The following MYT1L variants were observed in gnomAD, a reference collection of about 807,000 sequenced individuals.
The protein encoded by MYT1L is myelin transcription factor 1-like protein.
A neutral mutation model predicts 126.7 loss-of-function variants in MYT1L; 12 were observed. That is an observed-to-expected ratio of 0.09 (90% CI 0.06 to 0.15). The LOEUF (loss-of-function observed/expected upper bound fraction) is 0.15. Among genes scored for constraint, MYT1L ranks in the 10% least tolerant of loss-of-function variants. The pLI, the probability that MYT1L is intolerant of heterozygous loss-of-function variation, is 1.00. For synonymous variants in MYT1L, 541 were observed against 604.2 expected, an observed-to-expected ratio of 0.90 and a Z score of 1.53; for missense variants, 979 against 1,585.2, an observed-to-expected ratio of 0.62 and a Z score of 6.49.
intron 8 of MYT1L, among the ~76,000 whole-genome samples, chr2:1,949,498 T>A (rs2057547356): frequency 6.6e-6 from 1 of 152,234 alleles, no homozygotes; most frequent in Non-Finnish European, 1.5e-5. Context: ...CTTCCAGTTT[T>A]TTGCATCTGG....
chr2:1,913,261 G>C (rs1298240495), intron 11 of MYT1L, among the ~76,000 whole-genome samples: 1 of 152,164 alleles, frequency 6.6e-6, no homozygotes, highest in African/African-American at 2.4e-5. Flanking sequence ...AGCAGAGTTT[G>C]CTTTGGTATT....
At chr2:2,294,466 C>T (rs576132441) in intron 1 of MYT1L, among the ~76,000 whole-genome samples, 17 of 152,126 alleles carry the variant, frequency 1.1e-4, no homozygotes, top group Non-Finnish European at 2.4e-4. Flanking sequence ...CTGATGCCCG[C>T]GCCTGATGCA....
chr2:1,967,110 T>C (rs11900580), intron 8 of MYT1L, among the ~76,000 whole-genome samples: 16 of 152,226 alleles, frequency 1.1e-4, no homozygotes, highest in African/African-American at 3.6e-4. Flanking sequence ...TCATCTGCAT[T>C]ATGGGTTCTT....
At chr2:2,092,517 G>A (rs969302341) in intron 3 of MYT1L, among the ~76,000 whole-genome samples, 1 of 152,194 alleles carries the variant, frequency 6.6e-6, no homozygotes, top group African/African-American at 2.4e-5. Context: ...CACAGATACT[G>A]CATGAGCAAG....
chr2:2,144,033 C>A (rs1055146561), intron 3 of MYT1L, among the ~76,000 whole-genome samples: 2 of 152,028 alleles, frequency 1.3e-5, no homozygotes, highest in African/African-American at 4.8e-5. Context: ...ATCAACCGTA[C>A]CCCAAACCTC....
At chr2:2,309,709 A>G (rs2095925285) in intron 1 of MYT1L, among the ~76,000 whole-genome samples, 1 of 151,130 alleles carries the variant, frequency 6.6e-6, no homozygotes, top group African/African-American at 2.4e-5. Flanking sequence ...CCTATACTCC[A>G]TCTACACTTC....
At chr2:1,894,302 C>T (rs1198440736) in intron 14 of MYT1L, among the ~76,000 whole-genome samples, 2 of 152,156 alleles carry the variant, frequency 1.3e-5, no homozygotes, top group African/African-American at 4.8e-5. Context: ...GCAAGGCCCA[C>T]ACCAGGGCCT....
intron 3 of MYT1L, among the ~76,000 whole-genome samples, chr2:2,139,940 T>C (rs1011312983): frequency 2.0e-5 from 3 of 152,194 alleles, no homozygotes; most frequent in African/African-American, 7.2e-5. Context: ...GCATTTCAGA[T>C]TGGGGAGCAA....
At chr2:2,237,020 G>A (rs1310824440) in intron 2 of MYT1L, among the ~76,000 whole-genome samples, 8 of 151,932 alleles carry the variant, frequency 5.3e-5, no homozygotes, top group Non-Finnish European at 1.2e-4. Flanking sequence ...CTCCATGTTG[G>A]TCAGGTTGGT....
intron 2 of MYT1L, among the ~76,000 whole-genome samples, chr2:2,218,487 T>C (rs1000111282): frequency 3.3e-5 from 5 of 152,140 alleles, no homozygotes. Context: ...TGCCACACAA[T>C]TCATACCAAA....
chr2:1,909,105 T>G (rs189129265), intron 13 of MYT1L, among the ~76,000 whole-genome samples: 5 of 152,302 alleles, frequency 3.3e-5, no homozygotes, highest in East Asian at 3.9e-4. Flanking sequence ...AAGAGATTTA[T>G]CCTAAATAAA....
chr2:1,968,016 G>C (rs1007521563), intron 8 of MYT1L, among the ~76,000 whole-genome samples: 3 of 152,188 alleles, frequency 2.0e-5, no homozygotes, highest in African/African-American at 7.2e-5. Flanking sequence ...AAAGAGAGGA[G>C]AGGCCCAAGA....
chr2:2,211,858 T>G (rs549599906), intron 2 of MYT1L, among the ~76,000 whole-genome samples: 1 of 149,456 alleles, frequency 6.7e-6, no homozygotes, highest in African/African-American at 2.5e-5. Context: ...TTCTAGAACA[T>G]TATAACAAGC....
intron 11 of MYT1L, among the ~76,000 whole-genome samples, chr2:1,916,504 T>C (rs1242123036): frequency 6.6e-6 from 1 of 152,226 alleles, no homozygotes; most frequent in Admixed American, 6.5e-5. Context: ...ATTTAATTTA[T>C]TGGCATACTT....
At chr2:1,982,513 G>T (rs1574210563) in intron 5 of MYT1L, among the ~76,000 whole-genome samples, 1 of 152,306 alleles carries the variant, frequency 6.6e-6, no homozygotes, top group Non-Finnish European at 1.5e-5. Context: ...GAAGAAGAAA[G>T]AAATTTCCTG....
intron 2 of MYT1L, among the ~76,000 whole-genome samples, chr2:2,203,863 C>A (rs1353386038): frequency 6.6e-6 from 1 of 152,178 alleles, no homozygotes; most frequent in Admixed American, 6.6e-5. Context: ...TCAAACTATA[C>A]TACAAGGCTA....
At chr2:1,956,507 T>TACTATCTA (rs2058438157) in intron 8 of MYT1L, among the ~76,000 whole-genome samples, 1 of 111,808 alleles carries the variant, frequency 8.9e-6, no homozygotes, top group African/African-American at 4.3e-5. Context: ...ATATTTCCTA[T>TACTATCTA]TCTATCTATC....
rs371314621 is a variant in MYT1L at position 2,149,933 on chromosome 2, T to C, written c.-304+22939A>G. 5.1e-4 allele frequency among the ~76,000 whole-genome samples: 77 copies of C among 152,310 alleles called. 1 individual carries two copies. The highest frequency in any genetic ancestry group is 1.6e-3 in the African/African-American group (66 of 41,578). ...GTCTCTCATCTGGACCACAGCTTCCTACCTCCACTCTCCATGCCCTGACCC... is the reference window on the plus strand; with the variant it reads ...GTCTCTCATCTGGACCACAGCTTCCCACCTCCACTCTCCATGCCCTGACCC... On this transcript the variant is annotated intron_variant, in intron 3 of 24. Transcript: ENST00000647738.
At chr2:1,953,576 G>C (rs2058075969) in intron 8 of MYT1L, among the ~76,000 whole-genome samples, 1 of 152,204 alleles carries the variant, frequency 6.6e-6, no homozygotes, top group Non-Finnish European at 1.5e-5. Flanking sequence ...CGTTGCTCTT[G>C]ATTTTCCATG....
Sources: allele counts gnomAD v4.1 joint callset (sites outside exome capture counted in the v4.1 genomes callset), GRCh38; gene constraint gnomAD v4.1.1; transcripts MANE v1.5; gene names NCBI Gene and HGNC (gene_info 2026-07-23, HGNC 2026-07-21).